ABCC5: variants seen among roughly 807,000 people sequenced by gnomAD.
ABCC5 encodes the protein ATP binding cassette subfamily C member 5, also known as ATP-binding cassette sub-family C member 5.
ABCC5 carries 61 observed loss-of-function variants against 160.9 expected under a neutral mutation model. That is an observed-to-expected ratio of 0.38 (90% CI 0.31 to 0.47). The LOEUF (loss-of-function observed/expected upper bound fraction) is 0.47, where lower values mean the gene tolerates loss of function less well. Among genes scored for constraint, ABCC5 ranks in the 20% least tolerant of loss-of-function variants. The probability of loss-of-function intolerance (pLI) is 0.99; values close to 1 mark genes in which losing one functional copy is unlikely to be tolerated. For missense variants in ABCC5, 1,308 were observed against 1,813.3 expected, an observed-to-expected ratio of 0.72 and a Z score of 5.06; for synonymous variants, 666 against 700.6, an observed-to-expected ratio of 0.95 and a Z score of 0.78.
intron 5 of ABCC5, chr3:183,984,689 T>C: frequency 6.7e-7 from 1 of 1,493,530 alleles, no homozygotes; most frequent in African/African-American, 1.4e-5. Context: ...TTATATCCAT[T>C]GCTTGGGTCA....
In ABCC5 at chr3:183,953,172, C is replaced by G. The variant is rs1192419001; in HGVS notation, c.2581G>C (p.Val861Leu). 1.2e-6 allele frequency: 2 copies of G among 1,614,010 alleles called. No individual in the cohort carries two copies. Among genetic ancestry groups the G allele is most frequent in the Non-Finnish European group, 1.7e-6 (2 of 1,180,022 alleles). ...QAAGGPLAFL[V>L]IMALFMLNVG... ...TTCAGCATGAAAAGGGCCATAATAA[C>G]CAGGAATGCCAAGGGGCCCCCAGCA... Residue 861 changes from valine (V) to leucine (L), a missense_variant, in exon 18 of 30, where the codon GTT (valine) becomes CTT (leucine). This residue lies in a region of ABCC5 where 1,142 missense variants were observed against 1,527.1 expected (regional missense o/e 0.75). Transcript: ENST00000334444.
chr3:183,961,701 C>A, intron 15 of ABCC5, 47 bp from the exon 16 acceptor site: 1 of 1,607,498 alleles, frequency 6.2e-7, no homozygotes, highest in Admixed American at 1.7e-5. Flanking sequence ...TGTGCAAATA[C>A]ATTCAAAAAC....
chr3:183,976,007 T>C (rs1718181718), intron 10 of ABCC5, among the ~76,000 whole-genome samples: 1 of 152,160 alleles, frequency 6.6e-6, no homozygotes, highest in Non-Finnish European at 1.5e-5. Flanking sequence ...TGGTCAAACA[T>C]TTGCTTTCAT....
chr3:184,011,237 T>C (rs1208328832), intron 2 of ABCC5: 1 of 152,242 alleles, frequency 6.6e-6, no homozygotes, highest in Non-Finnish European at 1.5e-5. Flanking sequence ...CTGAATGCTC[T>C]TTATATTTGG....
chr3:183,929,435 TAAATA>T (rs1392065767), intron 26 of ABCC5, among the ~76,000 whole-genome samples: 2 of 152,030 alleles, frequency 1.3e-5, no homozygotes, highest in African/African-American at 4.8e-5. Flanking sequence ...TCCATCTCAA[TAAATA>T]AAATAAAATA....
intron 17 of ABCC5, among the ~76,000 whole-genome samples, chr3:183,956,520 G>A (rs1462455652): frequency 3.7e-4 from 48 of 129,332 alleles, no homozygotes; most frequent in Admixed American, 2.3e-3. Context: ...ATATCACATC[G>A]GTTACATGCA....
At chr3:183,983,388 G>C in intron 5 of ABCC5, 1 of 246,550 alleles carries the variant, frequency 4.1e-6, no homozygotes, top group Non-Finnish European at 8.0e-6. Flanking sequence ...CTTTTTTTTG[G>C]ATCGTTTCAA....
intron 17 of ABCC5, 83 bp from the exon 18 acceptor site, chr3:183,953,353 G>A (rs995517603): frequency 7.8e-6 from 10 of 1,285,024 alleles, no homozygotes; most frequent in East Asian, 4.8e-5. Context: ...CAACAGAATC[G>A]GACAACCGGC....
Position 184,014,466 on chromosome 3 carries a change from C to A in ABCC5, c.-55-19G>T. The A allele has an allele frequency of 4.1e-6, 6 of 1,446,616 alleles. No individual in the cohort carries two copies. Among genetic ancestry groups the A allele is most frequent in the South Asian group, 1.4e-5 (1 of 71,840 alleles). The allele number at this position is 1,446,616 out of a possible 1,614,324, so 89.6% of individuals were successfully genotyped here. The stretch of plus-strand genomic sequence containing the variant: ...AGAATTCCTGAAATTAAAAATTCAT[C>A]AAGAAATAGATTATTTCCTAAACAG... On this transcript the variant is annotated intron_variant, in intron 1 of 29. Transcript: ENST00000334444.
chr3:184,001,311 C>G, intron 2 of ABCC5: 1 of 454,266 alleles, frequency 2.2e-6, no homozygotes, highest in Non-Finnish European at 3.9e-6. Flanking sequence ...TAACCCAATG[C>G]AAAGTATTAT....
Position 183,988,645 on chromosome 3 carries a change from T to C in ABCC5, c.370A>G (p.Lys124Glu). 2 of 1,614,176 alleles carry C rather than the reference T, an allele frequency of 1.2e-6. No individual in the cohort carries two copies. Among genetic ancestry groups the C allele is most frequent in the Non-Finnish European group, 1.7e-6 (2 of 1,180,032 alleles). ...TCTTCCATTGAGAGCTCCCCCTTCT[T>C]GTGGGCCACACGGGCCAGAGAAGAA... is the stretch of plus-strand genomic sequence containing the variant. ...WLSSLARVAH[K>E]KGELSMEDVW... is the part of the protein sequence containing the mutation. Residue 124 changes from lysine to glutamate, a missense_variant, in exon 4 of 30, where the codon AAG (lysine) becomes GAG (glutamate). By Grantham distance (56) the Lys-to-Glu change is moderately conservative (BLOSUM62 1). Transcript: ENST00000334444. The surrounding 1 kb of genome is among the most constrained non-coding windows in gnomAD (Gnocchi z 4.4).
At chr3:183,940,223 C>T (rs148315133) in intron 25 of ABCC5, among the ~76,000 whole-genome samples, 5 of 151,708 alleles carry the variant, frequency 3.3e-5, no homozygotes, top group Admixed American at 1.3e-4. Flanking sequence ...GGCCGGTGGG[C>T]GCAGCGGTTC....
chr3:183,998,523 T>A (rs1720460160), intron 2 of ABCC5, among the ~76,000 whole-genome samples: 1 of 152,216 alleles, frequency 6.6e-6, no homozygotes, highest in Admixed American at 6.5e-5. Context: ...AGATACTAAC[T>A]AATTTAATCC....
intron 26 of ABCC5, 99 bp from the exon 27 acceptor site, chr3:183,928,924 G>C (rs1712884817): frequency 1.1e-6 from 1 of 946,154 alleles, no homozygotes; most frequent in African/African-American, 1.6e-5. Context: ...CATAGGGAGA[G>C]AAGACTCCAA....
At chr3:184,003,621 T>G (rs1470188595) in intron 2 of ABCC5, among the ~76,000 whole-genome samples, 1 of 152,198 alleles carries the variant, frequency 6.6e-6, no homozygotes, top group African/African-American at 2.4e-5. Context: ...AGCTCACTTA[T>G]CTGTAGCTGT....
At chr3:183,979,738 G>C (rs1718540861) in intron 8 of ABCC5, among the ~76,000 whole-genome samples, 1 of 151,936 alleles carries the variant, frequency 6.6e-6, no homozygotes, top group Non-Finnish European at 1.5e-5. Context: ...GCACTACCAT[G>C]CCCAGTTATG....
chr3:184,001,886 C>A (rs921059644), intron 2 of ABCC5, among the ~76,000 whole-genome samples: 1 of 152,156 alleles, frequency 6.6e-6, no homozygotes, highest in Non-Finnish European at 1.5e-5. Flanking sequence ...AGTGGCCAGA[C>A]GACCCAGCCA....
intron 16 of ABCC5, 40 bp downstream of exon 16, chr3:183,961,471 G>A: frequency 6.2e-7 from 1 of 1,608,018 alleles, no homozygotes; most frequent in Non-Finnish European, 8.5e-7. Context: ...TTCCCTTGCA[G>A]AGACAGAAGG....
intron 29 of ABCC5, among the ~76,000 whole-genome samples, chr3:183,922,887 C>G (rs1712146427): frequency 6.7e-6 from 1 of 148,340 alleles, no homozygotes; most frequent in African/African-American, 2.5e-5. Context: ...CCTGTACCAG[C>G]AGGGGAAGGT....
Sources: gnomAD v4.1 joint callset for allele counts (sites outside exome capture counted in the v4.1 genomes callset) on GRCh38, gnomAD v4.1.1 for gene constraint, gnomAD v4.1.1 regional missense constraint, Gnocchi (gnomAD v3.1) non-coding constraint, MANE v1.5 for transcripts, NCBI Gene and HGNC (gene_info 2026-07-23, HGNC 2026-07-21) for gene names.